Variants in GRAMD2A observed in about 807,000 individuals in gnomAD.
GRAMD2A encodes GRAM domain containing 2A, also known as GRAM domain-containing protein 2A.
In GRAMD2A, 37 loss-of-function variants were observed where a neutral mutation model predicts 51.1. The observed-to-expected ratio is 0.72, with a 90% CI of 0.56 to 0.95. GRAMD2A has a LOEUF of 0.95. Among genes scored for constraint, GRAMD2A ranks in the 40% least tolerant of loss-of-function variants. The pLI, the probability that GRAMD2A is intolerant of heterozygous loss-of-function variation, is 0.00. For missense variants in GRAMD2A, 414 were observed against 426.9 expected, an observed-to-expected ratio of 0.97 and a Z score of 0.27; for synonymous variants, 136 against 157.1, an observed-to-expected ratio of 0.87 and a Z score of 1.01.
chr15:72,168,525 A>C lies in GRAMD2A; in HGVS notation c.234T>G (p.Phe78Leu), dbSNP rs138373510. The C allele has an allele frequency of 1.2e-6, 2 of 1,613,884 alleles. No individual in the cohort carries two copies. Among genetic ancestry groups the C allele is most frequent in the East Asian group, 4.5e-5 (2 of 44,888 alleles). The change falls in exon 4 of 12, where the codon TTT becomes TTG. Residue 78 changes from phenylalanine to leucine, a missense_variant. Transcript: ENST00000309731. The stretch of plus-strand genomic sequence containing the variant: ...CCACTTCCTCCAAGGGAACATCCTT[A>C]AACAGCTTGTGGTATTGCTGGTTGT... ...NKYNQQYHKLFKDVPLEEVVL... is the reference protein window; with the variant it reads ...NKYNQQYHKLLKDVPLEEVVL...
rs772593288 is a variant in GRAMD2A, at chr15:72,163,407, G to A, written c.815C>T (p.Pro272Leu). ...GTTCGGCATCTTCTTAGGGCAGGCA[G>A]GACCCCAGCCTGGCATGGGCCATGC... ...RWAWPMPGWG[P>L]ACPKKMPNCS... The change falls in exon 10 of 12, where the codon CCT (proline) becomes CTT (leucine). Residue 272 changes from proline (P) to leucine (L), a missense_variant. By Grantham distance (98) the Pro-to-Leu change is moderately conservative. Coordinates refer to ENST00000309731, the MANE Select transcript of GRAMD2A (RefSeq NM_001012642.3). The A allele has an allele frequency of 3.1e-6, 5 of 1,614,038 alleles. No individual in the cohort carries two copies. The East Asian group carries it at 1.1e-4, about 36-fold the overall frequency.
At chr15:72,188,276 A>G (rs2081746803) in intron 1 of GRAMD2A, among the ~76,000 whole-genome samples, 1 of 151,896 alleles carries the variant, frequency 6.6e-6, no homozygotes, top group South Asian at 2.1e-4. Flanking sequence ...GGCGGAAATT[A>G]CAGTGAGCTG....
chr15:72,168,461 CCTAACCAG>C (rs750840857), intron 4 of GRAMD2A, 22 bp downstream of exon 4: 1 of 1,573,740 alleles, frequency 6.4e-7, no homozygotes, highest in South Asian at 1.1e-5. Context: ...ACTCTGGGTG[CCTAACCAG>C]CTATACCGGG....
At chr15:72,192,053 AT>A (rs1309659797) in intron 1 of GRAMD2A, among the ~76,000 whole-genome samples, 5 of 152,318 alleles carry the variant, frequency 3.3e-5, no homozygotes, top group Admixed American at 2.6e-4. Flanking sequence ...TTGTAGAAAT[AT>A]TTTTTAAAGG....
At chr15:72,168,282 T>TC (rs1430345244) in intron 4 of GRAMD2A, among the ~76,000 whole-genome samples, 1 of 152,166 alleles carries the variant, frequency 6.6e-6, no homozygotes, top group Non-Finnish European at 1.5e-5. Flanking sequence ...CCCTGACGTT[T>TC]CCCCAAGAAA....
intron 1 of GRAMD2A, among the ~76,000 whole-genome samples, chr15:72,175,449 C>T (rs542192126): frequency 1.2e-4 from 18 of 152,230 alleles, no homozygotes; most frequent in Non-Finnish European, 2.2e-4. Flanking sequence ...CCAGCCTCAT[C>T]GCCCGTCATT....
chr15:72,189,339 C>A (rs888296075), intron 1 of GRAMD2A, among the ~76,000 whole-genome samples: 1 of 152,096 alleles, frequency 6.6e-6, no homozygotes, highest in African/African-American at 2.4e-5. Context: ...AAATATAGGT[C>A]CACACACATG....
chr15:72,185,893 C>A (rs1230333595), intron 1 of GRAMD2A, among the ~76,000 whole-genome samples: 1 of 152,190 alleles, frequency 6.6e-6, no homozygotes, highest in Admixed American at 6.5e-5. Flanking sequence ...TAAATATTTT[C>A]TAAATCTATA....
chr15:72,190,504 C>T (rs574864444), intron 1 of GRAMD2A, among the ~76,000 whole-genome samples: 2 of 152,342 alleles, frequency 1.3e-5, no homozygotes, highest in African/African-American at 4.8e-5. Context: ...GCTGGTGTGA[C>T]CAGGGCAAAG....
chr15:72,170,068 T>C lies in GRAMD2A; in HGVS notation c.42-129A>G. 2.6e-6 allele frequency: 2 copies of C among 767,656 alleles called. No individual in the cohort carries two copies. The highest frequency in any genetic ancestry group is 4.7e-6 in the Non-Finnish European group (2 of 421,140). 47.6% of individuals were successfully genotyped at this position (767,656 alleles called of 1,614,324 possible). A position where few individuals can be genotyped will look rare whatever the true frequency, so the allele number is the denominator to read the frequency against. On this transcript the variant is annotated intron_variant, in intron 1 of 11. Transcript: ENST00000309731. This position sits in a 1 kb window ranked among gnomAD's most constrained non-coding sequence, Gnocchi z 4.5. ...CTGGCCCTGATATTGAGGGTGACAC[T>C]GAAAATGTCACAGTTCAGAGGCAGC...
At chr15:72,188,269 G>A (rs535902492) in intron 1 of GRAMD2A, among the ~76,000 whole-genome samples, 8 of 151,846 alleles carry the variant, frequency 5.3e-5, no homozygotes, top group South Asian at 2.1e-4. Flanking sequence ...CCCAGGAGGC[G>A]GAAATTACAG....
At chr15:72,190,810 A>G (rs544481294) in intron 1 of GRAMD2A, among the ~76,000 whole-genome samples, 21 of 152,314 alleles carry the variant, frequency 1.4e-4, no homozygotes, top group Admixed American at 3.9e-4. Flanking sequence ...AACGTAGCCT[A>G]TGACCCCCAA....
At chr15:72,179,360 A>C (rs1567088381) in intron 1 of GRAMD2A, among the ~76,000 whole-genome samples, 1 of 152,352 alleles carries the variant, frequency 6.6e-6, no homozygotes, top group East Asian at 1.9e-4. Context: ...AAGGAATCCT[A>C]ACTGGGAAAT....
chr15:72,176,854 CTTTTTTTTTTTTTT>C (rs60618044), intron 1 of GRAMD2A, among the ~76,000 whole-genome samples: 1 of 72,174 alleles, frequency 1.4e-5, no homozygotes, highest in African/African-American at 5.2e-5. Flanking sequence ...ACCTGCAGTG[CTTTTTTTTTTTTTT>C]TTTTTTTTTT....
intron 1 of GRAMD2A, among the ~76,000 whole-genome samples, chr15:72,177,252 A>G (rs2081660687): frequency 6.6e-6 from 1 of 152,188 alleles, no homozygotes; most frequent in African/African-American, 2.4e-5. Flanking sequence ...TTAAATAACT[A>G]TAGATTTCTT....
chr15:72,192,630 C>T (rs1271647694), intron 1 of GRAMD2A, among the ~76,000 whole-genome samples: 4 of 152,118 alleles, frequency 2.6e-5, no homozygotes, highest in African/African-American at 7.2e-5. Flanking sequence ...AGCAGGATCT[C>T]GACAATTAAC....
At chr15:72,197,691 C>A in intron 1 of GRAMD2A, 40 bp downstream of exon 1, 1 of 1,279,766 alleles carries the variant, frequency 7.8e-7, no homozygotes, top group Non-Finnish European at 9.9e-7. Context: ...CGGCGGCCTC[C>A]GGAACCCCCG....
At chr15:72,165,844 T>A (rs1299813763) in intron 7 of GRAMD2A, among the ~76,000 whole-genome samples, 1 of 150,716 alleles carries the variant, frequency 6.6e-6, no homozygotes, top group East Asian at 1.9e-4. Context: ...ATACAGCCAT[T>A]CCGGTTTTCG....
At chr15:72,167,240 T>C in intron 5 of GRAMD2A, 148 bp from the exon 6 acceptor site, 1 of 649,260 alleles carries the variant, frequency 1.5e-6, no homozygotes, top group Admixed American at 2.4e-5. Context: ...CTTCTACCTT[T>C]TCATCCAGGC....
Sources: gnomAD v4.1 joint callset for allele counts (sites outside exome capture counted in the v4.1 genomes callset) on GRCh38, gnomAD v4.1.1 for gene constraint, Gnocchi (gnomAD v3.1) non-coding constraint, MANE v1.5 for transcripts, NCBI Gene and HGNC (gene_info 2026-07-23, HGNC 2026-07-21) for gene names.